RPH3A: variants seen among roughly 807,000 people sequenced by gnomAD.
RPH3A encodes rabphilin-3A.
RPH3A carries 48 observed loss-of-function variants against 102.2 expected under a neutral mutation model. The ratio of observed to expected loss-of-function variants is 0.47; its 90% CI spans 0.37 to 0.60. The LOEUF (loss-of-function observed/expected upper bound fraction) is 0.60. Ranked by LOEUF, RPH3A falls within the 20% of genes least tolerant of loss-of-function variation. The probability of loss-of-function intolerance (pLI) is 0.00; values close to 1 mark genes in which losing one functional copy is unlikely to be tolerated. For synonymous variants in RPH3A, 310 were observed against 324.3 expected, an observed-to-expected ratio of 0.96 and a Z score of 0.47; for missense variants, 781 against 910.1, an observed-to-expected ratio of 0.86 and a Z score of 1.83.
chr12:112,850,558 C>G (rs1458835119), intron 5 of RPH3A, among the ~76,000 whole-genome samples: 1 of 152,146 alleles, frequency 6.6e-6, no homozygotes, highest in Non-Finnish European at 1.5e-5. Context: ...GAGGACAGTC[C>G]CGGAAGATTC....
At chr12:112,772,465 C>G (rs918093941) in intron 1 of RPH3A, among the ~76,000 whole-genome samples, 1 of 152,136 alleles carries the variant, frequency 6.6e-6, no homozygotes, top group African/African-American at 2.4e-5. Context: ...TTCTAAGTGC[C>G]CCCAAGGGGG....
At position 112,723,934 on chromosome 12, in the gene RPH3A, T is replaced by A. The variant is rs553265431; in HGVS notation, c.-139-68209T>A. 9.8e-4 allele frequency among the ~76,000 whole-genome samples: 150 copies of A among 152,350 alleles called. 1 individual carries two copies. The highest frequency in any genetic ancestry group is 3.6e-3 in the African/African-American group (148 of 41,590). On this transcript the variant is annotated intron_variant, in intron 1 of 21. Coordinates refer to the RPH3A transcript ENST00000543106. ...ATTTGTGTGCAGAAGTTTTAGTAAG[T>A]TCTAAATTTGTGTAATGGATTTGTG...
At chr12:112,834,476 C>T (rs1307732467) in intron 3 of RPH3A, among the ~76,000 whole-genome samples, 1 of 152,186 alleles carries the variant, frequency 6.6e-6, no homozygotes, top group African/African-American at 2.4e-5. Context: ...TGGAGTGTTT[C>T]AGTCACATGG....
intron 13 of RPH3A, among the ~76,000 whole-genome samples, chr12:112,878,626 A>G (rs1663397181): frequency 6.6e-6 from 1 of 152,240 alleles, no homozygotes; most frequent in South Asian, 2.1e-4. Context: ...GATGGTAGCT[A>G]CTTTAGAGAG....
At chr12:112,877,205 A>C (rs1266985784) in intron 13 of RPH3A, among the ~76,000 whole-genome samples, 2 of 152,164 alleles carry the variant, frequency 1.3e-5, no homozygotes, top group Admixed American at 1.3e-4. Flanking sequence ...TAAACATAGA[A>C]TTATTATATG....
chr12:112,882,181 C>T (rs2042926322), intron 15 of RPH3A, among the ~76,000 whole-genome samples: 1 of 152,308 alleles, frequency 6.6e-6, no homozygotes, highest in African/African-American at 2.4e-5. Context: ...CTCCCCTACA[C>T]ATTTTATGCC....
rs1230573241 is a variant in RPH3A, at chr12:112,894,788, AGAAAAATATTT to A, written c.1857+143_1857+153del. The A allele has an allele frequency of 5.1e-5, 41 of 799,392 alleles. No homozygotes were observed. In the African/African-American group the frequency reaches 6.3e-4, roughly 12 times the overall value. The allele number at this position is 799,392 out of a possible 1,614,324, so 49.5% of individuals were successfully genotyped here. A position where few individuals can be genotyped will look rare whatever the true frequency, so the allele number is the denominator to read the frequency against. On this transcript the variant is annotated intron_variant, in intron 20 of 21. Transcript: ENST00000389385. ...ATGCAGCCATTTGAAATGATGATGT[AGAAAAATATTT>A]GAAAAATATTTGAGAACATGCTAAG...
At chr12:112,715,540 G>T (rs1025698226) in intron 1 of RPH3A, among the ~76,000 whole-genome samples, 1 of 152,154 alleles carries the variant, frequency 6.6e-6, no homozygotes, top group Non-Finnish European at 1.5e-5. Context: ...CCAAATAATA[G>T]TTGAATCAAT....
chr12:112,732,121 A>G (rs906905174), intron 1 of RPH3A, among the ~76,000 whole-genome samples: 1 of 152,200 alleles, frequency 6.6e-6, no homozygotes, highest in Non-Finnish European at 1.5e-5. Flanking sequence ...TGGAGGCATG[A>G]ACTTCAGTGT....
At chr12:112,761,315 T>TGTGTATTCACATGCAC (rs1477871349) in intron 1 of RPH3A, among the ~76,000 whole-genome samples, 148 of 152,340 alleles carry the variant, frequency 9.7e-4, no homozygotes, top group African/African-American at 3.5e-3. Context: ...TGCGTCTGTG[T>TGTGTATTCACATGCAC]GTGTATTCAC....
intron 5 of RPH3A, among the ~76,000 whole-genome samples, chr12:112,850,043 C>T (rs1270642562): frequency 6.6e-6 from 1 of 152,160 alleles, no homozygotes; most frequent in Non-Finnish European, 1.5e-5. Flanking sequence ...CTGCTGTATT[C>T]TCCCTACCAA....
chr12:112,777,826 G>T (rs2040979139), intron 1 of RPH3A, among the ~76,000 whole-genome samples: 1 of 152,252 alleles, frequency 6.6e-6, no homozygotes, highest in African/African-American at 2.4e-5. Flanking sequence ...ACCGCAGCAG[G>T]ATGGCTGCTT....
intron 1 of RPH3A, among the ~76,000 whole-genome samples, chr12:112,645,235 T>A (rs1376600518): frequency 6.6e-6 from 1 of 152,116 alleles, no homozygotes; most frequent in Non-Finnish European, 1.5e-5. Flanking sequence ...CACCCTGGAT[T>A]TTTTCCCCCT....
At chr12:112,828,104 T>C (rs2041910081) in intron 2 of RPH3A, among the ~76,000 whole-genome samples, 197 bp from the exon 3 acceptor site, 1 of 152,156 alleles carries the variant, frequency 6.6e-6, no homozygotes, top group Non-Finnish European at 1.5e-5. Flanking sequence ...GTGCATTTCT[T>C]GCCACGGGGT....
At chr12:112,597,734 G>A (rs1381161330) in intron 1 of RPH3A, among the ~76,000 whole-genome samples, 2 of 152,200 alleles carry the variant, frequency 1.3e-5, no homozygotes, top group Non-Finnish European at 2.9e-5. Context: ...GTAATTAAAA[G>A]CATGAACATC....
intron 1 of RPH3A, among the ~76,000 whole-genome samples, chr12:112,614,667 G>C (rs927904810): frequency 8.0e-6 from 1 of 124,512 alleles, no homozygotes; most frequent in African/African-American, 3.2e-5. Context: ...TAGCCTGAGG[G>C]ACAGGAGTGA....
chr12:112,884,476 A>AT (rs1232304733), intron 16 of RPH3A, among the ~76,000 whole-genome samples: 1 of 152,130 alleles, frequency 6.6e-6, no homozygotes, highest in African/African-American at 2.4e-5. Context: ...CATGTTTTAA[A>AT]TTTTTGTGTA....
At chr12:112,627,859 A>T (rs1282634682) in intron 1 of RPH3A, among the ~76,000 whole-genome samples, 1 of 152,100 alleles carries the variant, frequency 6.6e-6, no homozygotes, top group East Asian at 1.9e-4. Flanking sequence ...AAAGAGGTTT[A>T]CTTGGCTCGT....
At chr12:112,648,662 C>T (rs763292059) in intron 1 of RPH3A, among the ~76,000 whole-genome samples, 2 of 133,170 alleles carry the variant, frequency 1.5e-5, no homozygotes, top group Non-Finnish European at 3.1e-5. Flanking sequence ...GGAGGATCGT[C>T]TGAGCCTGGG....
Sources: allele counts gnomAD v4.1 joint callset (sites outside exome capture counted in the v4.1 genomes callset), GRCh38; gene constraint gnomAD v4.1.1; transcripts MANE v1.5; gene names NCBI Gene and HGNC (gene_info 2026-07-23, HGNC 2026-07-21).